Variants in PTPRD observed in about 807,000 individuals in gnomAD.
PTPRD encodes the protein receptor-type tyrosine-protein phosphatase delta.
PTPRD carries 34 observed loss-of-function variants against 214.5 expected under a neutral mutation model. That is an observed-to-expected ratio of 0.16 (90% CI 0.12 to 0.21). The LOEUF (loss-of-function observed/expected upper bound fraction) is 0.21. Ranked by LOEUF, PTPRD falls within the 10% of genes least tolerant of loss-of-function variation. The pLI is 1.00. For missense variants in PTPRD, 2,545 were observed against 2,398.7 expected (o/e 1.06, Z -1.27); for synonymous variants, 1,128 against 845.7 (o/e 1.33, Z -5.79).
intron 7 of PTPRD, among the ~76,000 whole-genome samples, chr9:9,625,962 T>A (rs1031025523): frequency 6.6e-6 from 1 of 152,138 alleles, no homozygotes; most frequent in Non-Finnish European, 1.5e-5. Flanking sequence ...GCCATAAACT[T>A]TTGCTGCAAC....
chr9:9,096,875 T>C (rs1359250248), intron 10 of PTPRD, among the ~76,000 whole-genome samples: 1 of 152,222 alleles, frequency 6.6e-6, no homozygotes, highest in Non-Finnish European at 1.5e-5. Flanking sequence ...TGTAAGATGA[T>C]ATCTGAGGTA....
intron 7 of PTPRD, among the ~76,000 whole-genome samples, chr9:9,716,149 C>T: frequency 6.6e-6 from 1 of 152,108 alleles, no homozygotes; most frequent in Non-Finnish European, 1.5e-5. Context: ...TGATTATTTC[C>T]AATTTCCTCC....
Position 10,282,101 on chromosome 9 carries a change from C to A in PTPRD, c.-545+58862G>T, listed in dbSNP as rs529715252. ...GAAATGCTAGATGAAACAATGAAAGCAGTCATGGAAAGATCATGACTTTCT... is the reference window on the plus strand; with the variant it reads ...GAAATGCTAGATGAAACAATGAAAGAAGTCATGGAAAGATCATGACTTTCT... On this transcript the variant is annotated intron_variant, in intron 3 of 45. Coordinates refer to ENST00000381196, the MANE Select transcript of PTPRD (RefSeq NM_002839.4). Among the ~76,000 whole-genome samples the A allele has an allele frequency of 3.9e-5, 6 of 152,120 alleles. No homozygotes were observed. The South Asian group carries it at 8.3e-4, about 21-fold the overall frequency.
intron 7 of PTPRD, among the ~76,000 whole-genome samples, chr9:9,593,888 G>C (rs182948532): frequency 1.3e-5 from 2 of 152,108 alleles, no homozygotes; most frequent in East Asian, 3.9e-4. Context: ...ACTTACTTCA[G>C]TAACTTTTGT....
chr9:8,964,154 G>T (rs994461534), intron 11 of PTPRD, among the ~76,000 whole-genome samples: 2 of 134,632 alleles, frequency 1.5e-5, no homozygotes, highest in Non-Finnish European at 3.1e-5. Context: ...TGTACATCTG[G>T]TGGAATTTGG....
rs143757960 is a variant in PTPRD at position 8,640,928 on chromosome 9, G to A, written c.65-4084C>T. Among the ~76,000 whole-genome samples the A allele has an allele frequency of 2.1e-3, 278 of 133,934 alleles. 47 individuals carry two copies. Among genetic ancestry groups the A allele is most frequent in the African/African-American group, 0.011 (268 of 25,098 alleles). The allele number at this position is 133,934 out of a possible 152,430, so 87.9% of individuals were successfully genotyped here. ...TTTGCTGGTCAAACTCTCAGATGGT[G>A]TCTGTCAATGCTAGGCAGCCAGCCA... On this transcript the variant is annotated intron_variant, in intron 12 of 45. Coordinates refer to ENST00000381196, the MANE Select transcript of PTPRD (RefSeq NM_002839.4).
intron 5 of PTPRD, among the ~76,000 whole-genome samples, chr9:9,876,774 G>A (rs560952389): frequency 6.6e-6 from 1 of 152,156 alleles, no homozygotes; most frequent in South Asian, 2.1e-4. Context: ...TGTTATTGTG[G>A]TGACACAAAC....
intron 3 of PTPRD, among the ~76,000 whole-genome samples, chr9:10,126,984 G>A (rs1278786476): frequency 1.4e-5 from 2 of 142,510 alleles, no homozygotes; most frequent in Admixed American, 1.4e-4. Context: ...CTGCACATGT[G>A]CTATTACATT....
At chr9:8,741,067 G>C (rs1254019490) in intron 11 of PTPRD, among the ~76,000 whole-genome samples, 1 of 152,160 alleles carries the variant, frequency 6.6e-6, no homozygotes, top group East Asian at 1.9e-4. Context: ...ATCCCTGTAA[G>C]ATATCAAGTG....
At chr9:9,442,856 G>A (rs2088698756) in intron 8 of PTPRD, among the ~76,000 whole-genome samples, 1 of 151,988 alleles carries the variant, frequency 6.6e-6, no homozygotes, top group African/African-American at 2.4e-5. Flanking sequence ...AATCTTTTTG[G>A]TATAATTATT....
chr9:10,297,146 C>A (rs1156331410), intron 3 of PTPRD, among the ~76,000 whole-genome samples: 1 of 147,844 alleles, frequency 6.8e-6, no homozygotes, highest in African/African-American at 2.5e-5. Context: ...TTTTATTATA[C>A]TTTAATTTCT....
At chr9:9,327,173 C>A (rs1020018394) in intron 9 of PTPRD, among the ~76,000 whole-genome samples, 19 of 152,106 alleles carry the variant, frequency 1.2e-4, no homozygotes, top group African/African-American at 4.1e-4. Context: ...TAATCACAGA[C>A]TCATTTATAT....
chr9:10,420,100 C>T (rs2098532131), intron 2 of PTPRD, among the ~76,000 whole-genome samples: 2 of 151,460 alleles, frequency 1.3e-5, no homozygotes, highest in African/African-American at 4.8e-5. Context: ...TAATAATAAT[C>T]ATCATAAAAT....
chr9:9,590,467 T>C (rs1194890961), intron 7 of PTPRD, among the ~76,000 whole-genome samples: 2 of 152,068 alleles, frequency 1.3e-5, no homozygotes, highest in Non-Finnish European at 2.9e-5. Context: ...TGTATGAACA[T>C]TATAAAAAGA....
chr9:8,838,316 G>A (rs557615320), intron 11 of PTPRD, among the ~76,000 whole-genome samples: 2 of 147,760 alleles, frequency 1.4e-5, no homozygotes, highest in East Asian at 2.1e-4. Context: ...TGGGGATAAG[G>A]AAGTGACAAA....
intron 11 of PTPRD, among the ~76,000 whole-genome samples, chr9:8,992,171 C>A (rs764200787): frequency 6.6e-6 from 1 of 151,986 alleles, no homozygotes; most frequent in Admixed American, 6.6e-5. Context: ...ACTATTTAAC[C>A]CTGAATGGCT....
At chr9:9,190,131 C>T (rs573215507) in intron 9 of PTPRD, among the ~76,000 whole-genome samples, 33 of 152,030 alleles carry the variant, frequency 2.2e-4, no homozygotes, top group Non-Finnish European at 3.1e-4. Context: ...TTAGGAAAGT[C>T]AGACCTTTAA....
chr9:9,836,994 A>G (rs766070985), intron 5 of PTPRD, among the ~76,000 whole-genome samples: 1 of 152,222 alleles, frequency 6.6e-6, no homozygotes, highest in Non-Finnish European at 1.5e-5. Flanking sequence ...TTAATTGAAG[A>G]TAAACATAAG....
chr9:9,862,078 A>G (rs1009099854), intron 5 of PTPRD, among the ~76,000 whole-genome samples: 25 of 152,312 alleles, frequency 1.6e-4, no homozygotes, highest in African/African-American at 5.5e-4. Flanking sequence ...GCTAAATGCT[A>G]CATACATTTG....
Sources: allele counts gnomAD v4.1 joint callset (sites outside exome capture counted in the v4.1 genomes callset), GRCh38; gene constraint gnomAD v4.1.1; transcripts MANE v1.5; gene names NCBI Gene and HGNC (gene_info 2026-07-23, HGNC 2026-07-21).